Variants in ALLC observed in about 807,000 individuals in gnomAD.
ALLC encodes the protein allantoicase.
ALLC carries 40 observed loss-of-function variants against 45.0 expected under a neutral mutation model. That is an observed-to-expected ratio of 0.89 (90% CI 0.69 to 1.16). The LOEUF (loss-of-function observed/expected upper bound fraction) is 1.16. Among genes scored for constraint, ALLC ranks in the 50% most tolerant of loss-of-function variants. The pLI, the probability that ALLC is intolerant of heterozygous loss-of-function variation, is 0.00. For synonymous variants in ALLC, 176 were observed against 178.1 expected, an observed-to-expected ratio of 0.99 and a Z score of 0.09; for missense variants, 488 against 493.1, an observed-to-expected ratio of 0.99 and a Z score of 0.10.
At chr2:3,654,171 T>C (rs186913700), upstream of ALLC, among the ~76,000 whole-genome samples, 1 of 152,324 alleles carries the variant, frequency 6.6e-6, no homozygotes, top group Admixed American at 6.5e-5. Flanking sequence ...TGTGGGCCTC[T>C]CTAGAGGGCT....
the ALLC span, among the ~76,000 whole-genome samples, chr2:3,647,245 T>A: frequency 1.3e-5 from 2 of 152,142 alleles, no homozygotes; most frequent in Non-Finnish European, 2.9e-5. Flanking sequence ...CTCCTTTACT[T>A]CAGTCAACTT....
At chr2:3,670,066 AATCAGG>A (rs539476503) in intron 1 of ALLC, among the ~76,000 whole-genome samples, 31 of 152,300 alleles carry the variant, frequency 2.0e-4, no homozygotes, top group African/African-American at 5.5e-4. Flanking sequence ...AGAACCAGCG[AATCAGG>A]ATGTCGGGAG....
intron 1 of ALLC, among the ~76,000 whole-genome samples, chr2:3,665,754 A>T (rs781466221): frequency 1.3e-5 from 2 of 152,220 alleles, no homozygotes; most frequent in Non-Finnish European, 2.9e-5. Context: ...TGCTATTGTG[A>T]ATAGTGCTGC....
intron 7 of ALLC, among the ~76,000 whole-genome samples, chr2:3,687,120 A>T (rs569662694): frequency 6.6e-5 from 10 of 150,380 alleles, no homozygotes; most frequent in Non-Finnish European, 1.3e-4. Flanking sequence ...TTCTATACCC[A>T]ATTTATTGAG....
chr2:3,649,302 T>C, the ALLC span, among the ~76,000 whole-genome samples: 5 of 150,190 alleles, frequency 3.3e-5, no homozygotes, highest in East Asian at 2.0e-4. Context: ...AGTGCAGTGG[T>C]GCGATCTCGG....
chr2:3,656,654 G>A (rs989043211), upstream of ALLC, among the ~76,000 whole-genome samples: 1 of 152,224 alleles, frequency 6.6e-6, no homozygotes, highest in Non-Finnish European at 1.5e-5. Flanking sequence ...CCCCAGCATC[G>A]CCCTGGAGCT....
At chr2:3,649,243 CTT>C in the ALLC span, among the ~76,000 whole-genome samples, 20 of 140,440 alleles carry the variant, frequency 1.4e-4, no homozygotes, top group Admixed American at 4.3e-4. Flanking sequence ...CCAAACACTT[CTT>C]TTTTTTTTTT....
At chr2:3,655,074 G>A (rs1008020194), upstream of ALLC, among the ~76,000 whole-genome samples, 29 of 152,232 alleles carry the variant, frequency 1.9e-4, no homozygotes, top group Admixed American at 1.3e-4. Flanking sequence ...CTGCTTCCTC[G>A]TGCACTCCCC....
In ALLC at chr2:3,702,474, C is replaced by A; in HGVS notation, c.1087C>A (p.Leu363Ile). The change falls in exon 12 of 12, where the codon CTC (leucine) becomes ATC (isoleucine). Residue 363 changes from leucine (L) to isoleucine (I), a missense_variant. Leu to Ile is a conservative substitution (Grantham distance 5). Transcript: ENST00000252505. Reference sequence around the variant, plus strand: ...CGACGGGGGAGTGAGCCGCCTTCGGCTCCGGGGCTTCCCCAGCTCCATCTG... The same window carrying A: ...CGACGGGGGAGTGAGCCGCCTTCGGATCCGGGGCTTCCCCAGCTCCATCTG... ...VPDGGVSRLR[L>I]RGFPSSICLL... 6.2e-7 allele frequency: 1 copy of A among 1,612,572 alleles called. No individual in the cohort carries two copies. Among genetic ancestry groups the A allele is most frequent in the Non-Finnish European group, 8.5e-7 (1 of 1,179,674 alleles).
chr2:3,660,139 C>T (rs953199029), intron 1 of ALLC, among the ~76,000 whole-genome samples: 1 of 152,128 alleles, frequency 6.6e-6, no homozygotes, highest in Admixed American at 6.5e-5. Flanking sequence ...TGGCTTGGTG[C>T]CGTTCTGGAG....
chr2:3,683,058 A>T lies in ALLC; in HGVS notation c.495A>T (p.Arg165Ser). ...VNSQQRWTHI[R>S]LNIFPDGGIA... ...CCCAGCAGAGATGGACTCATATCAG[A>T]CTCAACATTTTCCCAGGTAATCGTG... The change falls in exon 7 of 12, where the codon AGA (arginine) becomes AGT (serine). Residue 165 changes from arginine to serine, a missense_variant. Transcript: ENST00000252505. The T allele has an allele frequency of 6.2e-7, 1 of 1,613,548 alleles. No individual in the cohort carries two copies. The highest frequency in any genetic ancestry group is 1.3e-5 in the African/African-American group (1 of 75,020).
chr2:3,693,125 G>C (rs12621224), intron 7 of ALLC, among the ~76,000 whole-genome samples: 4 of 152,052 alleles, frequency 2.6e-5, no homozygotes, highest in African/African-American at 7.3e-5. Flanking sequence ...AATTTTAGCA[G>C]ATATTCTTGA....
upstream of ALLC, among the ~76,000 whole-genome samples, chr2:3,653,679 T>C (rs1208128996): frequency 1.3e-5 from 2 of 151,872 alleles, no homozygotes; most frequent in East Asian, 1.9e-4. The surrounding 1 kb of genome is among the most constrained non-coding windows in gnomAD (Gnocchi z 4.1). Context: ...CACACCGAGA[T>C]GCTCTGCTCA....
intron 1 of ALLC, among the ~76,000 whole-genome samples, chr2:3,668,175 G>A (rs1410633692): frequency 6.6e-6 from 1 of 152,210 alleles, no homozygotes; most frequent in African/African-American, 2.4e-5. Flanking sequence ...GGGCTGACCT[G>A]TAAATAGGAG....
At position 3,674,076 on chromosome 2, in the gene ALLC, T is replaced by C; in HGVS notation, c.35T>C (p.Ile12Thr). 6.4e-7 allele frequency: 1 copy of C among 1,551,276 alleles called. No individual in the cohort carries two copies. The highest frequency in any genetic ancestry group is 8.7e-7 in the Non-Finnish European group (1 of 1,144,262). Residue 12 changes from isoleucine (I) to threonine (T), a missense_variant and splice_region_variant, in exon 3 of 12, where the codon ATT (isoleucine) becomes ACT (threonine). Coordinates refer to ENST00000252505, the MANE Select transcript of ALLC (RefSeq NM_018436.4). ...DMASESVGGK[I>T]LFATDDFFAP... ...TTCTTTCTTTCTTTCTTTGTCTAGA[T>C]TTTATTTGCAACAGATGACTTTTTT...
At chr2:3,684,691 G>A (rs1457842545) in intron 7 of ALLC, among the ~76,000 whole-genome samples, 1 of 151,968 alleles carries the variant, frequency 6.6e-6, no homozygotes, top group Non-Finnish European at 1.5e-5. Flanking sequence ...TAGAATAATG[G>A]TCTCCAACTC....
intron 1 of ALLC, among the ~76,000 whole-genome samples, chr2:3,658,819 A>G (rs1028470207): frequency 2.0e-5 from 3 of 149,738 alleles, no homozygotes; most frequent in Non-Finnish European, 3.0e-5. Flanking sequence ...GGAGGTTGCA[A>G]TGAGCCAAGA....
intron 1 of ALLC, among the ~76,000 whole-genome samples, chr2:3,665,294 CT>C (rs1666676170): frequency 6.6e-6 from 1 of 151,644 alleles, no homozygotes; most frequent in Non-Finnish European, 1.5e-5. Flanking sequence ...TTTTGAAGTA[CT>C]GAGTTGAAGT....
chr2:3,675,664 A>G (rs1667005341), intron 3 of ALLC, among the ~76,000 whole-genome samples: 1 of 152,168 alleles, frequency 6.6e-6, no homozygotes, highest in Non-Finnish European at 1.5e-5. Flanking sequence ...CTATAACATC[A>G]CACGAGACAC....
Sources: gnomAD v4.1 joint callset for allele counts (sites outside exome capture counted in the v4.1 genomes callset) on GRCh38, gnomAD v4.1.1 for gene constraint, Gnocchi (gnomAD v3.1) non-coding constraint, MANE v1.5 for transcripts, NCBI Gene and HGNC (gene_info 2026-07-23, HGNC 2026-07-21) for gene names.